The following CDH7 variants were observed in gnomAD, a reference collection of about 807,000 sequenced individuals.
The protein encoded by CDH7 is cadherin 7, also known as cadherin-7.
A neutral mutation model predicts 71.8 loss-of-function variants in CDH7; 25 were observed. The ratio of observed to expected loss-of-function variants is 0.35; its 90% CI spans 0.25 to 0.49. The LOEUF is 0.49. Ranked by LOEUF, CDH7 falls within the 20% of genes least tolerant of loss-of-function variation. The probability of loss-of-function intolerance (pLI) is 0.99; values close to 1 mark genes in which losing one functional copy is unlikely to be tolerated. For synonymous variants in CDH7, 381 were observed against 363.8 expected (o/e 1.05, Z -0.54); for missense variants, 862 against 974.6 (o/e 0.88, Z 1.54).
intron 1 of CDH7, among the ~76,000 whole-genome samples, chr18:65,752,559 A>G (rs866013911): frequency 1.2e-4 from 18 of 152,354 alleles, no homozygotes; most frequent in African/African-American, 4.1e-4. Flanking sequence ...TTCTTGTTCT[A>G]TATGTCAAGG....
chr18:65,750,980 C>A (rs12967002), upstream of CDH7: 1 of 152,186 alleles, frequency 6.6e-6, no homozygotes, highest in Non-Finnish European at 1.5e-5. Flanking sequence ...CCGTGCCGGG[C>A]GGGCCCGAGC....
chr18:65,865,348 G>T (rs1314054203), intron 11 of CDH7: 7 of 152,054 alleles, frequency 4.6e-5, no homozygotes, highest in African/African-American at 1.5e-4. Flanking sequence ...AAGTTTGGGG[G>T]ATTTGTCAAA....
At position 65,859,058 on chromosome 18, in the gene CDH7, C is replaced by G; in HGVS notation, c.1494+12C>G. On this transcript the variant is annotated intron_variant, in intron 9 of 11. Coordinates refer to ENST00000397968, the MANE Select transcript of CDH7 (RefSeq NM_004361.5). Reference sequence around the variant, plus strand: ...CCCAGCCGGGGCAGGTAAGAGTCTTCAGAACACTTTGCTTCTAATTTGTGG... The same window carrying G: ...CCCAGCCGGGGCAGGTAAGAGTCTTGAGAACACTTTGCTTCTAATTTGTGG... 6.2e-7 allele frequency: 1 copy of G among 1,610,448 alleles called. No homozygotes were observed.
intron 6 of CDH7, among the ~76,000 whole-genome samples, chr18:65,839,177 T>C (rs558315690): frequency 6.6e-6 from 1 of 152,334 alleles, no homozygotes; most frequent in African/African-American, 2.4e-5. Context: ...CTTTGCTATT[T>C]AGTTTTCACA....
intron 2 of CDH7, among the ~76,000 whole-genome samples, chr18:65,764,822 A>T (rs1916306817): frequency 6.6e-6 from 1 of 152,100 alleles, no homozygotes; most frequent in Non-Finnish European, 1.5e-5. Flanking sequence ...TAGTTTTAAA[A>T]TTTAAATGGC....
chr18:65,763,388 A>AAG (rs1916261180), intron 2 of CDH7, among the ~76,000 whole-genome samples: 1 of 152,128 alleles, frequency 6.6e-6, no homozygotes, highest in African/African-American at 2.4e-5. Context: ...ATAAAAAATG[A>AAG]AGAGTAGTGG....
At chr18:65,768,833 G>A (rs1373072112) in intron 2 of CDH7, among the ~76,000 whole-genome samples, 1 of 152,048 alleles carries the variant, frequency 6.6e-6, no homozygotes, top group East Asian at 1.9e-4. Context: ...CTGATTACCT[G>A]AAAGAAACAC....
At chr18:65,858,568 T>C (rs1913446744) in intron 8 of CDH7, among the ~76,000 whole-genome samples, 1 of 151,948 alleles carries the variant, frequency 6.6e-6, no homozygotes, top group Admixed American at 6.6e-5. Context: ...CATCAGGGAC[T>C]AAAAAACTAC....
intron 2 of CDH7, among the ~76,000 whole-genome samples, chr18:65,808,201 G>C (rs1599020575): frequency 6.6e-6 from 1 of 152,090 alleles, no homozygotes; most frequent in Non-Finnish European, 1.5e-5. Context: ...CTAAATAAAA[G>C]TTTCTGCTTT....
chr18:65,829,418 G>A (rs962844075), intron 6 of CDH7, among the ~76,000 whole-genome samples: 20 of 148,874 alleles, frequency 1.3e-4, no homozygotes, highest in African/African-American at 4.7e-4. Flanking sequence ...GGATACATGT[G>A]TATTAAGATG....
At chr18:65,868,984 G>C (rs1913847154) in intron 11 of CDH7, among the ~76,000 whole-genome samples, 1 of 152,084 alleles carries the variant, frequency 6.6e-6, no homozygotes, top group Non-Finnish European at 1.5e-5. Flanking sequence ...TTCTATTGGA[G>C]AGTTGAAACT....
chr18:65,775,042 A>T (rs562681725), intron 2 of CDH7, among the ~76,000 whole-genome samples: 5 of 152,312 alleles, frequency 3.3e-5, no homozygotes, highest in Admixed American at 3.3e-4. Context: ...TTGAACCCAG[A>T]AAGTAAGGAT....
At chr18:65,878,188 T>C (rs1914125007) in intron 11 of CDH7, among the ~76,000 whole-genome samples, 1 of 152,186 alleles carries the variant, frequency 6.6e-6, no homozygotes, top group Non-Finnish European at 1.5e-5. Flanking sequence ...CATTTAATCT[T>C]TGGTACATAT....
intron 2 of CDH7, among the ~76,000 whole-genome samples, chr18:65,785,070 T>C (rs945754397): frequency 6.6e-6 from 1 of 152,200 alleles, no homozygotes; most frequent in Non-Finnish European, 1.5e-5. Context: ...GATTTTTAGT[T>C]AACTAGAAGT....
intron 4 of CDH7, among the ~76,000 whole-genome samples, chr18:65,819,888 T>C (rs1454072697): frequency 7.3e-5 from 11 of 151,056 alleles, no homozygotes; most frequent in Admixed American, 7.3e-4. Flanking sequence ...TCTAGGCTCC[T>C]GAGGGTAATT....
At chr18:65,875,127 C>G (rs940461969) in intron 11 of CDH7, among the ~76,000 whole-genome samples, 31 of 152,016 alleles carry the variant, frequency 2.0e-4, no homozygotes, top group African/African-American at 7.0e-4. Context: ...TATGTGTGGC[C>G]CAAGACAATT....
chr18:65,864,610 C>T (rs1287413493), intron 11 of CDH7, among the ~76,000 whole-genome samples: 1 of 151,716 alleles, frequency 6.6e-6, no homozygotes, highest in African/African-American at 2.4e-5. Flanking sequence ...ATTTGTGGGC[C>T]AGGAGCAGTG....
At chr18:65,784,694 T>C (rs1054110656) in intron 2 of CDH7, among the ~76,000 whole-genome samples, 2 of 152,212 alleles carry the variant, frequency 1.3e-5, no homozygotes, top group African/African-American at 4.8e-5. Flanking sequence ...GAAAAGTCAT[T>C]AAGTGGTCCT....
intron 1 of CDH7, among the ~76,000 whole-genome samples, chr18:65,760,289 G>T (rs375911458): frequency 2.6e-5 from 4 of 152,086 alleles, no homozygotes; most frequent in Non-Finnish European, 4.4e-5. Flanking sequence ...TCTCTGGAAC[G>T]TCTTAGAATT....
Sources: allele counts gnomAD v4.1 joint callset (sites outside exome capture counted in the v4.1 genomes callset), GRCh38; gene constraint gnomAD v4.1.1; transcripts MANE v1.5; gene names NCBI Gene and HGNC (gene_info 2026-07-23, HGNC 2026-07-21).